Variants in GALNT10 observed in about 807,000 individuals in gnomAD.
GALNT10 encodes polypeptide N-acetylgalactosaminyltransferase 10, also known as GalNAc transferase 10.
In GALNT10, 41 loss-of-function variants were observed where a neutral mutation model predicts 75.0. The observed-to-expected ratio is 0.55, with a 90% CI of 0.43 to 0.71. The LOEUF (loss-of-function observed/expected upper bound fraction) is 0.71, where lower values mean the gene tolerates loss of function less well. Ranked by LOEUF, GALNT10 falls within the 30% of genes least tolerant of loss-of-function variation. The probability of loss-of-function intolerance (pLI) is 0.00; values close to 1 mark genes in which losing one functional copy is unlikely to be tolerated. For missense variants in GALNT10, 727 were observed against 818.5 expected, an observed-to-expected ratio of 0.89 and a Z score of 1.36; for synonymous variants, 302 against 313.0, an observed-to-expected ratio of 0.96 and a Z score of 0.37.
chr5:154,228,551 G>A (rs1379526381), intron 1 of GALNT10, among the ~76,000 whole-genome samples: 3 of 152,174 alleles, frequency 2.0e-5, no homozygotes, highest in Admixed American at 2.0e-4. Flanking sequence ...GATCTCCCAG[G>A]TACTCTGATT....
At chr5:154,209,118 G>A (rs897822794) in intron 1 of GALNT10, among the ~76,000 whole-genome samples, 4 of 152,194 alleles carry the variant, frequency 2.6e-5, no homozygotes, top group African/African-American at 4.8e-5. Flanking sequence ...GCTGGATGCC[G>A]GTGATTGCTG....
At position 154,361,594 on chromosome 5, in the gene GALNT10, AT is replaced by A. The variant is rs1755389371; in HGVS notation, c.569-14679del. 2.0e-5 allele frequency among the ~76,000 whole-genome samples: 3 copies of A among 152,208 alleles called. 1 individual carries two copies. The South Asian group carries it at 6.2e-4, about 32-fold the overall frequency. On this transcript the variant is annotated intron_variant, in intron 4 of 11. Transcript: ENST00000297107. ...AATACTGGAGGCTCAGTTAAATGTT[AT>A]TTTGTACTGAACTGTGCAGTGAGGA... is the stretch of plus-strand genomic sequence containing the variant.
chr5:154,274,341 T>C (rs150244339), intron 1 of GALNT10, among the ~76,000 whole-genome samples: 45 of 152,340 alleles, frequency 3.0e-4, no homozygotes, highest in African/African-American at 1.1e-3. Flanking sequence ...TAGAAAACCA[T>C]TCCCCTTGTA....
At chr5:154,197,526 C>G (rs1395515682) in intron 1 of GALNT10, among the ~76,000 whole-genome samples, 1 of 152,114 alleles carries the variant, frequency 6.6e-6, no homozygotes, top group Non-Finnish European at 1.5e-5. Flanking sequence ...TTCCTGTTTG[C>G]TGCCCTCTGC....
At chr5:154,341,938 CTCT>C (rs1393181164) in intron 4 of GALNT10, among the ~76,000 whole-genome samples, 1 of 152,174 alleles carries the variant, frequency 6.6e-6, no homozygotes, top group Admixed American at 6.6e-5. Flanking sequence ...CCAGTACATT[CTCT>C]TCTTATGTAA....
chr5:154,190,995 G>T lies in GALNT10; in HGVS notation c.129G>T (p.Ser43=). 2 of 1,486,978 alleles carry T rather than the reference G, an allele frequency of 1.3e-6. No individual in the cohort carries two copies. Among genetic ancestry groups the T allele is most frequent in the Admixed American group, 2.1e-5 (1 of 47,474 alleles). The allele number at this position is 1,486,978 out of a possible 1,614,324, so 92.1% of individuals were successfully genotyped here. The change falls in exon 1 of 12, where the codon TCG becomes TCT. Residue 43 remains serine, a synonymous_variant. Coordinates refer to ENST00000297107, the MANE Select transcript of GALNT10 (RefSeq NM_198321.4). ...AGCCCGACGGCACCCCTGGGGGATC[G>T]GGGGCGGCGGTGGCGCCGGCGGCGG... ...ERQPDGTPGG[S]GAAVAPAAGQ...
At chr5:154,282,717 A>G (rs1561649431) in intron 1 of GALNT10, among the ~76,000 whole-genome samples, 2 of 152,210 alleles carry the variant, frequency 1.3e-5, no homozygotes, top group East Asian at 1.9e-4. Context: ...GATAAAGTCA[A>G]TCCTCAGAAC....
At chr5:154,293,064 A>T (rs149880512) in intron 1 of GALNT10, among the ~76,000 whole-genome samples, 1 of 152,326 alleles carries the variant, frequency 6.6e-6, no homozygotes, top group Non-Finnish European at 1.5e-5. Flanking sequence ...TAGGAGAAAG[A>T]ATACAAAGGA....
chr5:154,286,771 G>A (rs1020126515), intron 1 of GALNT10, among the ~76,000 whole-genome samples: 3 of 152,184 alleles, frequency 2.0e-5, no homozygotes, highest in Admixed American at 1.3e-4. Flanking sequence ...TGGAGTTACT[G>A]GAGTGGGGAC....
At chr5:154,206,811 G>A (rs1298929209) in intron 1 of GALNT10, among the ~76,000 whole-genome samples, 1 of 152,234 alleles carries the variant, frequency 6.6e-6, no homozygotes, top group Non-Finnish European at 1.5e-5. Flanking sequence ...TGGCCTGCAG[G>A]AGGCAAGGAA....
intron 7 of GALNT10, among the ~76,000 whole-genome samples, chr5:154,395,121 G>T (rs1561681706): frequency 6.6e-6 from 1 of 152,204 alleles, no homozygotes; most frequent in Non-Finnish European, 1.5e-5. Flanking sequence ...ATGGTGCCTT[G>T]GCTCTTTCAT....
At chr5:154,264,083 C>A (rs534407755) in intron 1 of GALNT10, among the ~76,000 whole-genome samples, 1 of 152,152 alleles carries the variant, frequency 6.6e-6, no homozygotes, top group Non-Finnish European at 1.5e-5. Flanking sequence ...GAGGCTGAGG[C>A]GGGCAGATCA....
chr5:154,207,828 CAGTT>C (rs1475357955), intron 1 of GALNT10, among the ~76,000 whole-genome samples: 2 of 152,134 alleles, frequency 1.3e-5, no homozygotes, highest in African/African-American at 2.4e-5. Flanking sequence ...GGCTAAAACA[CAGTT>C]AGGGCCAGGT....
chr5:154,323,855 C>T (rs1754713354), intron 3 of GALNT10, among the ~76,000 whole-genome samples: 1 of 152,234 alleles, frequency 6.6e-6, no homozygotes, highest in African/African-American at 2.4e-5. Flanking sequence ...AGCCCCATTA[C>T]AGGGGCAGGG....
intron 1 of GALNT10, among the ~76,000 whole-genome samples, chr5:154,241,673 C>T (rs1581934575): frequency 6.6e-6 from 1 of 152,108 alleles, no homozygotes; most frequent in African/African-American, 2.4e-5. Context: ...AGTTGTGCCT[C>T]ATCATTTAAA....
rs897495381 is a variant in GALNT10 at position 154,190,766 on chromosome 5, T to C, written c.-101T>C. On this transcript the variant is annotated 5_prime_UTR_variant, in exon 1 of 12. Transcript: ENST00000297107. The stretch of plus-strand genomic sequence containing the variant: ...GCGGGGCCGGCGCCGCAGCCGCTTC[T>C]GCTGGCTGAGCTGCTGCCGCCGCCG... 2.2e-6 allele frequency: 1 copy of C among 447,206 alleles called. No individual in the cohort carries two copies. The highest frequency in any genetic ancestry group is 8.6e-5 in the South Asian group (1 of 11,632). The allele number at this position is 447,206 out of a possible 1,614,324, so 27.7% of individuals were successfully genotyped here. A position where few individuals can be genotyped will look rare whatever the true frequency, so the allele number is the denominator to read the frequency against.
At chr5:154,227,712 T>A (rs996752272) in intron 1 of GALNT10, among the ~76,000 whole-genome samples, 1 of 152,230 alleles carries the variant, frequency 6.6e-6, no homozygotes, top group African/African-American at 2.4e-5. Context: ...TGGTGTTGTA[T>A]CTAAGATGTC....
chr5:154,339,864 A>ATATTATC (rs1019354923), intron 4 of GALNT10, among the ~76,000 whole-genome samples: 1 of 152,190 alleles, frequency 6.6e-6, no homozygotes, highest in Admixed American at 6.5e-5. Flanking sequence ...GGAACACAAG[A>ATATTATC]CTGGGGAACC....
chr5:154,238,432 A>G (rs1753281318), intron 1 of GALNT10, among the ~76,000 whole-genome samples: 1 of 152,196 alleles, frequency 6.6e-6, no homozygotes, highest in Admixed American at 6.5e-5. Context: ...CCACATTAAT[A>G]TGCAGATTGA....
Sources: allele counts gnomAD v4.1 joint callset (sites outside exome capture counted in the v4.1 genomes callset), GRCh38; gene constraint gnomAD v4.1.1; transcripts MANE v1.5; gene names NCBI Gene and HGNC (gene_info 2026-07-23, HGNC 2026-07-21).